NEBL: variants seen among roughly 807,000 people sequenced by gnomAD.
NEBL encodes the protein nebulette.
In NEBL, 122 loss-of-function variants were observed where a neutral mutation model predicts 140.2. The ratio of observed to expected loss-of-function variants is 0.87; its 90% CI spans 0.75 to 1.01. The LOEUF is 1.01. Among genes scored for constraint, NEBL ranks in the 50% least tolerant of loss-of-function variants. The pLI is 0.00. For synonymous variants in NEBL, 436 were observed against 398.9 expected (o/e 1.09, Z -1.11); for missense variants, 1,365 against 1,231.3 (o/e 1.11, Z -1.62).
At chr10:20,870,442 C>T (rs1588889180) in intron 5 of NEBL, among the ~76,000 whole-genome samples, 1 of 151,748 alleles carries the variant, frequency 6.6e-6, no homozygotes, top group South Asian at 2.1e-4. Context: ...ATGAGTATGT[C>T]TTTGTATCTA....
intron 10 of NEBL, 42 bp from the exon 11 acceptor site, chr10:20,850,544 T>C: frequency 7.7e-7 from 1 of 1,292,346 alleles, no homozygotes; most frequent in Non-Finnish European, 1.1e-6. Context: ...CGAAAGTCCT[T>C]ATACAAACAG....
upstream of NEBL, among the ~76,000 whole-genome samples, chr10:21,179,636 C>A (rs910721908): frequency 1.3e-5 from 2 of 151,850 alleles, no homozygotes; most frequent in Non-Finnish European, 2.9e-5. Context: ...TGTATTGGAC[C>A]ATTACTGTGC....
intron 2 of NEBL, among the ~76,000 whole-genome samples, chr10:21,135,714 C>T (rs776239211): frequency 6.6e-6 from 1 of 152,204 alleles, no homozygotes; most frequent in Non-Finnish European, 1.5e-5. Context: ...GAGGGGTCTA[C>T]ACCACATGGG....
chr10:21,197,686 C>T (rs769603848), intron 3 of NEBL, among the ~76,000 whole-genome samples: 1 of 152,154 alleles, frequency 6.6e-6, no homozygotes, highest in Non-Finnish European at 1.5e-5. Flanking sequence ...CACATAGACC[C>T]TAGATTATGG....
chr10:21,057,025 A>C (rs1835053246), intron 2 of NEBL, among the ~76,000 whole-genome samples: 1 of 152,218 alleles, frequency 6.6e-6, no homozygotes, highest in Non-Finnish European at 1.5e-5. Flanking sequence ...ATTTAAAAAA[A>C]CAGGTAGAAA....
intron 1 of NEBL, among the ~76,000 whole-genome samples, chr10:21,292,131 G>A (rs943500773): frequency 1.7e-4 from 26 of 152,220 alleles, no homozygotes; most frequent in African/African-American, 5.8e-4. Flanking sequence ...GTAGCTGAAC[G>A]TGGTTTCTTT....
At chr10:21,135,941 C>G (rs1423927432) in intron 2 of NEBL, among the ~76,000 whole-genome samples, 2 of 152,222 alleles carry the variant, frequency 1.3e-5, no homozygotes, top group Non-Finnish European at 2.9e-5. Flanking sequence ...ATCCCTGAGG[C>G]AGAACTTTCT....
At chr10:21,074,331 A>G (rs548557272) in intron 2 of NEBL, among the ~76,000 whole-genome samples, 3 of 152,294 alleles carry the variant, frequency 2.0e-5, no homozygotes, top group South Asian at 2.1e-4. Context: ...CTGAAAGTTC[A>G]TCACAGGCAG....
intron 7 of NEBL, among the ~76,000 whole-genome samples, chr10:20,865,230 C>T (rs140924561): frequency 6.3e-5 from 9 of 143,324 alleles, no homozygotes; most frequent in Non-Finnish European, 1.1e-4. Context: ...GAACAGAAAA[C>T]TATTTTGAAT....
chr10:21,202,624 G>A (rs7913406), intron 3 of NEBL, among the ~76,000 whole-genome samples: 3,472 of 151,816 alleles, frequency 0.023, 142 homozygotes, highest in African/African-American at 0.079. Flanking sequence ...CACCATGCCC[G>A]GCTAATTTTT....
At chr10:21,007,372 T>C (rs566397827) in intron 3 of NEBL, among the ~76,000 whole-genome samples, 2 of 152,322 alleles carry the variant, frequency 1.3e-5, no homozygotes, top group Non-Finnish European at 2.9e-5. Flanking sequence ...TTCAGTGAGA[T>C]TTCTTTGCTA....
At chr10:21,238,780 G>T (rs1166109823) in intron 3 of NEBL, among the ~76,000 whole-genome samples, 2 of 150,244 alleles carry the variant, frequency 1.3e-5, no homozygotes, top group African/African-American at 4.9e-5. Context: ...AAGAAGAAAT[G>T]GTTCTTTCTT....
At chr10:21,179,423 G>A (rs1841352678), upstream of NEBL, among the ~76,000 whole-genome samples, 1 of 152,136 alleles carries the variant, frequency 6.6e-6, no homozygotes, top group Non-Finnish European at 1.5e-5. Flanking sequence ...ACCAAAGAAT[G>A]CAGCGTCCAT....
At chr10:20,952,920 A>AAC (rs1554811805) in intron 4 of NEBL, among the ~76,000 whole-genome samples, 1 of 149,900 alleles carries the variant, frequency 6.7e-6, no homozygotes, top group Non-Finnish European at 1.5e-5. Context: ...AAAAAAAAAA[A>AAC]AAAAAGAAAA....
intron 1 of NEBL, among the ~76,000 whole-genome samples, chr10:21,283,880 G>T (rs937444746): frequency 6.6e-6 from 1 of 151,920 alleles, no homozygotes; most frequent in Non-Finnish European, 1.5e-5. Context: ...GCAACAAATA[G>T]TGAAGGTCCT....
At chr10:20,932,937 A>G (rs980332729) in intron 4 of NEBL, among the ~76,000 whole-genome samples, 3 of 152,262 alleles carry the variant, frequency 2.0e-5, no homozygotes, top group Admixed American at 6.5e-5. Context: ...ATACTTGCAT[A>G]AATATTAATG....
Position 20,823,407 on chromosome 10 carries a change from A to C in NEBL, c.1870-107T>G, listed in dbSNP as rs1387241231. On this transcript the variant is annotated intron_variant, in intron 18 of 27. Coordinates refer to ENST00000377122, the MANE Select transcript of NEBL (RefSeq NM_006393.3). The stretch of plus-strand genomic sequence containing the variant: ...TGCATAATTGAATTTTATTAATTCC[A>C]ACATTACTTTTCCTTCACTGGGGAC... The C allele has an allele frequency of 1.7e-5, 14 of 810,936 alleles. No individual in the cohort carries two copies. The Admixed American group carries it at 3.6e-4, about 21-fold the overall frequency. The allele number at this position is 810,936 out of a possible 1,614,324, so 50.2% of individuals were successfully genotyped here.
chr10:20,997,634 T>C (rs756741896), intron 3 of NEBL, among the ~76,000 whole-genome samples: 2 of 151,928 alleles, frequency 1.3e-5, no homozygotes, highest in Middle Eastern at 3.2e-3. Context: ...ATTTCTAATA[T>C]AATTGGGTAC....
chr10:21,276,836 G>C (rs1842930321), intron 1 of NEBL, among the ~76,000 whole-genome samples: 1 of 152,186 alleles, frequency 6.6e-6, no homozygotes, highest in Non-Finnish European at 1.5e-5. Context: ...AACAGTGATG[G>C]CAGGCGCTGG....
Sources: gnomAD v4.1 joint callset for allele counts (sites outside exome capture counted in the v4.1 genomes callset) on GRCh38, gnomAD v4.1.1 for gene constraint, MANE v1.5 for transcripts, NCBI Gene and HGNC (gene_info 2026-07-23, HGNC 2026-07-21) for gene names.